The following MACROD2 variants were observed in gnomAD, a reference collection of about 807,000 sequenced individuals.
MACROD2 encodes ADP-ribose glycohydrolase MACROD2.
In MACROD2, 36 loss-of-function variants were observed where a neutral mutation model predicts 70.4. That is an observed-to-expected ratio of 0.51 (90% CI 0.39 to 0.68). MACROD2 has a LOEUF of 0.68. Ranked by LOEUF, MACROD2 falls within the 30% of genes least tolerant of loss-of-function variation. The pLI, the probability that MACROD2 is intolerant of heterozygous loss-of-function variation, is 0.00. For synonymous variants in MACROD2, 172 were observed against 178.8 expected (o/e 0.96, Z 0.30); for missense variants, 496 against 538.4 (o/e 0.92, Z 0.78).
At chr20:15,904,308 C>T (rs887226911) in intron 10 of MACROD2, among the ~76,000 whole-genome samples, 1 of 151,910 alleles carries the variant, frequency 6.6e-6, no homozygotes, top group Admixed American at 6.6e-5. Context: ...CGTGAGCAAC[C>T]GTGCCCAGCC....
intron 8 of MACROD2, among the ~76,000 whole-genome samples, chr20:15,630,816 T>C (rs60303572): frequency 0.072 from 10,996 of 152,288 alleles, 543 homozygotes; most frequent in East Asian, 0.13. Context: ...TTTTCTCTTA[T>C]AGATTTTTTC....
chr20:15,412,402 A>G (rs933684095), intron 6 of MACROD2, among the ~76,000 whole-genome samples: 1 of 152,206 alleles, frequency 6.6e-6, no homozygotes, highest in African/African-American at 2.4e-5. Flanking sequence ...TGACTATGCC[A>G]TCTCTTGTCA....
intron 10 of MACROD2, among the ~76,000 whole-genome samples, chr20:15,891,080 A>G (rs553715810): frequency 6.6e-6 from 1 of 152,272 alleles, no homozygotes; most frequent in South Asian, 2.1e-4. Flanking sequence ...TTTCACATAC[A>G]AGTGATGTGT....
At chr20:14,032,867 A>G (rs1045560653) in intron 2 of MACROD2, among the ~76,000 whole-genome samples, 1 of 152,188 alleles carries the variant, frequency 6.6e-6, no homozygotes, top group African/African-American at 2.4e-5. Context: ...TAAATAAATT[A>G]TTAATTACAA....
At chr20:14,456,551 C>T (rs188122571) in intron 3 of MACROD2, among the ~76,000 whole-genome samples, 1 of 151,784 alleles carries the variant, frequency 6.6e-6, no homozygotes, top group East Asian at 1.9e-4. Flanking sequence ...TACACTTAGA[C>T]ATTTCTAGGC....
At chr20:14,774,255 C>G (rs936725522) in intron 5 of MACROD2, among the ~76,000 whole-genome samples, 2 of 151,958 alleles carry the variant, frequency 1.3e-5, no homozygotes. Context: ...TTAGGTCATA[C>G]TTGTCAATAA....
chr20:14,533,197 A>G (rs192358401), intron 4 of MACROD2, among the ~76,000 whole-genome samples: 1 of 152,320 alleles, frequency 6.6e-6, no homozygotes, highest in East Asian at 1.9e-4. Context: ...GAAATGACCA[A>G]TCTGCTTTTC....
At chr20:15,083,684 A>G (rs1017994704) in intron 5 of MACROD2, among the ~76,000 whole-genome samples, 5 of 152,122 alleles carry the variant, frequency 3.3e-5, no homozygotes, top group African/African-American at 7.2e-5. Flanking sequence ...ATGTAGCACA[A>G]TGAAACGCCA....
intron 5 of MACROD2, among the ~76,000 whole-genome samples, chr20:14,935,780 T>C (rs2074335571): frequency 1.3e-5 from 2 of 152,208 alleles, no homozygotes; most frequent in South Asian, 4.1e-4. Context: ...TGCAAAAATG[T>C]TCTAAGACTC....
At chr20:15,889,763 C>A (rs562390820) in intron 10 of MACROD2, among the ~76,000 whole-genome samples, 5 of 152,272 alleles carry the variant, frequency 3.3e-5, no homozygotes, top group African/African-American at 7.2e-5. Context: ...TATCAACCAC[C>A]TATGGAAACT....
At chr20:14,320,663 A>ATTTTTTTTTTTTTTTTTTTTTTTTTT (rs11087086) in intron 3 of MACROD2, among the ~76,000 whole-genome samples, 4 of 123,660 alleles carry the variant, frequency 3.2e-5, no homozygotes, top group African/African-American at 6.8e-5. Flanking sequence ...CACCTTTGGA[A>ATTTTTTTTTTTTTTTTTTTTTTTTTT]TTTTTTTTTT....
chr20:15,168,582 A>G lies in MACROD2; in HGVS notation c.419-61358A>G, dbSNP rs140726610. 1.6e-3 allele frequency among the ~76,000 whole-genome samples: 243 copies of G among 152,204 alleles called. 2 individuals are homozygous for G. The highest frequency in any genetic ancestry group is 5.7e-3 in the African/African-American group (235 of 41,528). On this transcript the variant is annotated intron_variant, in intron 5 of 17. Transcript: ENST00000684519. ...ATGCTTGTACACCAGCGATCATGGCAGCATTATTCACAAAGGCCAAAAGGT... is the reference window on the plus strand; with the variant it reads ...ATGCTTGTACACCAGCGATCATGGCGGCATTATTCACAAAGGCCAAAAGGT...
intron 2 of MACROD2, 87 bp from the exon 3 acceptor site, chr20:14,085,534 G>T (rs1413880422): frequency 7.8e-6 from 5 of 637,976 alleles, no homozygotes; most frequent in Non-Finnish European, 1.2e-5. Flanking sequence ...ACACATATTG[G>T]GTCTTGTAGT....
intron 4 of MACROD2, chr20:14,494,038 G>A (rs991365915): frequency 2.0e-5 from 3 of 152,010 alleles, no homozygotes; most frequent in African/African-American, 4.8e-5. Flanking sequence ...AAGAGAAGGA[G>A]ATCAAAGTGA....
chr20:15,208,904 C>T (rs770886260), intron 5 of MACROD2, among the ~76,000 whole-genome samples: 10 of 152,148 alleles, frequency 6.6e-5, no homozygotes, highest in Non-Finnish European at 1.3e-4. Flanking sequence ...GGCTTCCTAA[C>T]CAGCCTCCTC....
intron 7 of MACROD2, among the ~76,000 whole-genome samples, chr20:15,480,582 A>G (rs1333319920): frequency 6.6e-6 from 1 of 151,286 alleles, no homozygotes; most frequent in Non-Finnish European, 1.5e-5. Flanking sequence ...TGCCCTGTGG[A>G]TGGCTGCCTG....
chr20:14,986,671 A>C (rs2074851573), intron 5 of MACROD2, among the ~76,000 whole-genome samples: 1 of 152,190 alleles, frequency 6.6e-6, no homozygotes, highest in African/African-American at 2.4e-5. Flanking sequence ...TGAGCCTGAA[A>C]ACATAAACAT....
At chr20:14,892,339 G>A (rs368934147) in intron 5 of MACROD2, among the ~76,000 whole-genome samples, 1 of 152,160 alleles carries the variant, frequency 6.6e-6, no homozygotes, top group East Asian at 1.9e-4. Flanking sequence ...GCCGGGCTTG[G>A]TGGTGCACGC....
chr20:14,045,297 G>A (rs554873269), intron 2 of MACROD2, among the ~76,000 whole-genome samples: 10 of 152,342 alleles, frequency 6.6e-5, no homozygotes, highest in East Asian at 5.8e-4. Context: ...TCGAGGAGGC[G>A]CCGAGAGCAA....
Sources: allele counts gnomAD v4.1 joint callset (sites outside exome capture counted in the v4.1 genomes callset), GRCh38; gene constraint gnomAD v4.1.1; transcripts MANE v1.5; gene names NCBI Gene and HGNC (gene_info 2026-07-23, HGNC 2026-07-21).